The following GATA4 variants were observed in gnomAD, a reference collection of about 807,000 sequenced individuals.
GATA4 encodes the protein GATA binding protein 4.
Under a neutral mutation model 37.9 loss-of-function variants are expected in GATA4, and 7 were observed. That is an observed-to-expected ratio of 0.18 (90% CI 0.11 to 0.35). The LOEUF is 0.35. Among genes scored for constraint, GATA4 ranks in the 10% least tolerant of loss-of-function variants. The probability of loss-of-function intolerance (pLI) is 1.00; values close to 1 mark genes in which losing one functional copy is unlikely to be tolerated. For missense variants in GATA4, 647 were observed against 653.0 expected (o/e 0.99, Z 0.10); for synonymous variants, 372 against 292.6 (o/e 1.27, Z -2.77).
At chr8:11,678,170 A>G (rs968750492) in intron 1 of GATA4, among the ~76,000 whole-genome samples, 2 of 151,986 alleles carry the variant, frequency 1.3e-5, no homozygotes, top group Non-Finnish European at 2.9e-5. Flanking sequence ...CCTAGTCCAC[A>G]TGCTCGCAGG....
chr8:11,703,216 C>T (rs1306828276), upstream of GATA4, among the ~76,000 whole-genome samples: 1 of 152,120 alleles, frequency 6.6e-6, no homozygotes, highest in African/African-American at 2.4e-5. Flanking sequence ...GTGAGAGCCA[C>T]CCGCCGGCTG....
At chr8:11,724,987 T>G (rs1800846956) in intron 2 of GATA4, among the ~76,000 whole-genome samples, 1 of 152,264 alleles carries the variant, frequency 6.6e-6, no homozygotes, top group Non-Finnish European at 1.5e-5. Context: ...ATGCCCGCAG[T>G]GTACACGGGC....
intron 2 of GATA4, among the ~76,000 whole-genome samples, chr8:11,748,609 G>C (rs1802141786): frequency 6.6e-6 from 1 of 152,192 alleles, no homozygotes; most frequent in African/African-American, 2.4e-5. Context: ...TGAGGTGAGA[G>C]GCCTAGGGCT....
At chr8:11,722,283 G>A (rs1239098385) in intron 2 of GATA4, among the ~76,000 whole-genome samples, 1 of 152,140 alleles carries the variant, frequency 6.6e-6, no homozygotes, top group Non-Finnish European at 1.5e-5. Flanking sequence ...CCCACACAGT[G>A]TTATTTTGAA....
At chr8:11,695,386 C>T (rs1488668847) in intron 1 of GATA4, among the ~76,000 whole-genome samples, 4 of 151,796 alleles carry the variant, frequency 2.6e-5, no homozygotes, top group Non-Finnish European at 5.9e-5. Flanking sequence ...AGCCTGGGCA[C>T]CAAGAGTGAA....
chr8:11,680,111 C>T (rs1443887781), intron 1 of GATA4, among the ~76,000 whole-genome samples: 4 of 152,166 alleles, frequency 2.6e-5, no homozygotes, highest in African/African-American at 4.8e-5. Context: ...GAGATTCCCA[C>T]CCAGAGCGCG....
intron 2 of GATA4, among the ~76,000 whole-genome samples, chr8:11,747,703 T>G (rs1178547517): frequency 1.3e-5 from 2 of 152,286 alleles, no homozygotes; most frequent in African/African-American, 4.8e-5. Flanking sequence ...ATGCACAGAC[T>G]TAAGTAAGGA....
chr8:11,742,455 A>G (rs1057010571), intron 2 of GATA4, among the ~76,000 whole-genome samples: 2 of 151,536 alleles, frequency 1.3e-5, no homozygotes, highest in African/African-American at 4.8e-5. Context: ...AAAACAAAAC[A>G]AAACAAAACT....
chr8:11,688,526 A>C (rs952013130), upstream of GATA4, among the ~76,000 whole-genome samples: 2 of 149,066 alleles, frequency 1.3e-5, no homozygotes, highest in Admixed American at 1.3e-4. Flanking sequence ...GCGCGCATGC[A>C]CACACACACA....
At chr8:11,681,302 C>G in intron 1 of GATA4, 1 of 985,442 alleles carries the variant, frequency 1.0e-6, no homozygotes, top group South Asian at 4.7e-5. Context: ...CGGGGAAGAG[C>G]ACTGTCTTCA....
chr8:11,706,246 G>C (rs752229038), intron 1 of GATA4, among the ~76,000 whole-genome samples: 2 of 152,100 alleles, frequency 1.3e-5, no homozygotes, highest in Non-Finnish European at 2.9e-5. Context: ...TATTACTAGT[G>C]ATGTTGCAAA....
chr8:11,679,358 G>A (rs576036578), intron 1 of GATA4, among the ~76,000 whole-genome samples: 27 of 152,260 alleles, frequency 1.8e-4, no homozygotes, highest in African/African-American at 6.3e-4. Flanking sequence ...ACTTAAAGGG[G>A]GCTCGCGCCG....
intron 2 of GATA4, among the ~76,000 whole-genome samples, chr8:11,741,262 G>C (rs1801724386): frequency 6.6e-6 from 1 of 152,128 alleles, no homozygotes; most frequent in Non-Finnish European, 1.5e-5. Context: ...AGGATTGCTT[G>C]AACTCAGGAG....
chr8:11,710,546 C>A (rs1585601826), intron 2 of GATA4, among the ~76,000 whole-genome samples: 1 of 149,110 alleles, frequency 6.7e-6, no homozygotes. Flanking sequence ...AAAAAATTAG[C>A]GGTCGTGGTG....
intron 1 of GATA4, chr8:11,697,454 T>C: frequency 1.5e-6 from 1 of 656,256 alleles, no homozygotes; most frequent in Non-Finnish European, 1.9e-6. Context: ...AATAGGAACC[T>C]CCCAGCTGGG....
At chr8:11,688,663 G>T (rs1436042970), upstream of GATA4, among the ~76,000 whole-genome samples, 2 of 152,214 alleles carry the variant, frequency 1.3e-5, no homozygotes, top group Non-Finnish European at 2.9e-5. Flanking sequence ...AGATTGCCTG[G>T]TGTGACTAGG....
intron 1 of GATA4, among the ~76,000 whole-genome samples, chr8:11,678,874 G>C (rs956345293): frequency 6.2e-5 from 9 of 144,928 alleles, no homozygotes; most frequent in Middle Eastern, 3.8e-3. Context: ...AGTTCGATTA[G>C]GGGGGAGCCT....
At chr8:11,684,882 C>G (rs1439350004) in intron 1 of GATA4, among the ~76,000 whole-genome samples, 3 of 152,102 alleles carry the variant, frequency 2.0e-5, no homozygotes, top group Admixed American at 1.3e-4. Context: ...TTAGCTTAGC[C>G]AAAATTGACT....
intron 2 of GATA4, among the ~76,000 whole-genome samples, chr8:11,731,830 A>G (rs946271343): frequency 6.6e-6 from 1 of 152,194 alleles, no homozygotes; most frequent in African/African-American, 2.4e-5. Context: ...TTTTCCTAAC[A>G]CTTCATTCTA....
Sources: gnomAD v4.1 joint callset for allele counts (sites outside exome capture counted in the v4.1 genomes callset) on GRCh38, gnomAD v4.1.1 for gene constraint, MANE v1.5 for transcripts, NCBI Gene and HGNC (gene_info 2026-07-23, HGNC 2026-07-21) for gene names.